IQSEC2: variants seen among roughly 807,000 people sequenced by gnomAD.
IQSEC2 encodes the protein IQ motif and Sec7 domain ArfGEF 2.
Under a neutral mutation model 74.6 loss-of-function variants are expected in IQSEC2, and 6 were observed. The observed-to-expected ratio is 0.08, with a 90% confidence interval of 0.04 to 0.16. IQSEC2 has a LOEUF of 0.16. IQSEC2 is among the 10% of genes least tolerant of loss of function. The pLI is 1.00. For synonymous variants in IQSEC2, 494 were observed against 544.5 expected, an observed-to-expected ratio of 0.91 and a Z score of 1.29; for missense variants, 734 against 1,306.2, an observed-to-expected ratio of 0.56 and a Z score of 6.75.
At chrX:53,288,070 G>A (rs782191194) in intron 2 of IQSEC2, among the ~76,000 whole-genome samples, 4 of 111,425 alleles carry the variant, frequency 3.6e-5, no homozygotes, top group Non-Finnish European at 5.7e-5. Context: ...GGCAAAGGAA[G>A]TGGTAGGAAC....
chrX:53,305,537 C>A (rs1008181525), intron 1 of IQSEC2, among the ~76,000 whole-genome samples: 5 of 111,571 alleles, frequency 4.5e-5, no homozygotes, highest in Admixed American at 2.9e-4. Flanking sequence ...GTTGCACCTA[C>A]AGTGGTCCAC....
chrX:53,256,902 C>T (rs2074482497), intron 2 of IQSEC2, among the ~76,000 whole-genome samples: 1 of 112,406 alleles, frequency 8.9e-6, no homozygotes, highest in South Asian at 3.7e-4. Flanking sequence ...CTTGCCTGCC[C>T]TGGTTTCCCA....
intron 2 of IQSEC2, among the ~76,000 whole-genome samples, chrX:53,265,221 G>C: frequency 9.0e-6 from 1 of 111,073 alleles, no homozygotes; most frequent in South Asian, 3.8e-4. Context: ...ATGGGTGAAT[G>C]AGTAGATGAG....
chrX:53,234,650 C>A lies in IQSEC2; in HGVS notation c.4036G>T (p.Gly1346Trp). ...LGRPGRAPRR[G>W]AGGHPQFAPH... ...GCAAACTGAGGGTGTCCTCCAGCCC[C>A]CCGTCTGGGTGCCCTGCCTGGCCGG... The change falls in exon 15 of 15, where the codon GGG becomes TGG. Residue 1346 changes from glycine to tryptophan, a missense_variant. Physicochemically the swap from Gly to Trp is radical, Grantham distance 184. This residue lies in a region of IQSEC2 where 249 missense variants were observed against 467.9 expected (regional missense o/e 0.53). Coordinates refer to ENST00000642864, the MANE Select transcript of IQSEC2 (RefSeq NM_001111125.3). 1 of 1,138,842 alleles carries A rather than the reference C, an allele frequency of 8.8e-7. No homozygotes were observed. The highest frequency in any genetic ancestry group is 1.2e-6 in the Non-Finnish European group (1 of 859,051). The allele number at this position is 1,138,842 out of a possible 1,213,427, so 93.9% of individuals were successfully genotyped here.
chrX:53,281,469 G>T (rs1556870845), intron 2 of IQSEC2: 1 of 919,416 alleles, frequency 1.1e-6, no homozygotes, highest in South Asian at 2.2e-5. Context: ...AAGGGAGGGG[G>T]CCAGGCTGCG....
At chrX:53,284,071 G>A (rs782007278) in intron 2 of IQSEC2, among the ~76,000 whole-genome samples, 5 of 111,088 alleles carry the variant, frequency 4.5e-5, no homozygotes, top group Non-Finnish European at 9.4e-5. Context: ...GGCCTCTGTC[G>A]GGGTTTCCGT....
intron 8 of IQSEC2, among the ~76,000 whole-genome samples, chrX:53,244,959 A>C (rs782130693): frequency 9.1e-6 from 1 of 109,702 alleles, no homozygotes; most frequent in Non-Finnish European, 1.9e-5. Flanking sequence ...ACACACACCC[A>C]CACACACACA....
chrX:53,268,327 AGCACACACAC>A (rs2074690250), intron 2 of IQSEC2, among the ~76,000 whole-genome samples: 1 of 111,316 alleles, frequency 9.0e-6, no homozygotes, highest in Admixed American at 9.6e-5. Flanking sequence ...TGCACAGACA[AGCACACACAC>A]GCACGCACAC....
At chrX:53,284,553 G>C (rs2075006850) in intron 2 of IQSEC2, among the ~76,000 whole-genome samples, 1 of 111,441 alleles carries the variant, frequency 9.0e-6, no homozygotes, top group South Asian at 3.8e-4. Flanking sequence ...TCAGCTAGAT[G>C]TTGTGCCCTC....
At position 53,255,840 on chromosome X, in the gene IQSEC2, G is replaced by A. The variant is rs1196734452; in HGVS notation, c.959C>T (p.Ser320Leu). The stretch of plus-strand genomic sequence containing the variant: ...GTCTGTGGAGAGTTCATAGCTGTCC[G>A]ATAGGGCCTTGGAGCGCTTTATCTC... The part of the protein sequence containing the change: ...EEEIKRSKAL[S>L]DSYELSTDLQ... Residue 320 changes from serine (S) to leucine (L), a missense_variant, in exon 3 of 15, where the codon TCG becomes TTG. Transcript: ENST00000642864. 1.1e-5 allele frequency: 13 copies of A among 1,210,119 alleles called. No homozygotes were observed. The highest frequency in any genetic ancestry group is 8.7e-5 in the Admixed American group (4 of 45,880).
In IQSEC2 at chrX:53,320,595, G is replaced by T. The variant is rs1556880073; in HGVS notation, c.529C>A (p.Pro177Thr). ...GRERGGREAG[P>T]AHPGREKEAG... ...TCCTTCTCGCGGCCCGGGTGCGCCG[G>T]CCCGGCCTCCCGCCCGCCACGCTCG... The change falls in exon 1 of 15, where the codon CCG becomes ACG. Residue 177 changes from proline (P) to threonine (T), a missense_variant. Transcript: ENST00000642864. 2.6e-6 allele frequency: 3 copies of T among 1,152,603 alleles called. No individual in the cohort carries two copies. The highest frequency in any genetic ancestry group is 3.5e-6 in the Non-Finnish European group (3 of 867,334). The allele number at this position is 1,152,603 out of a possible 1,213,427, so 95.0% of individuals were successfully genotyped here. A position where few individuals can be genotyped will look rare whatever the true frequency, so the allele number is the denominator to read the frequency against.
chrX:53,272,833 C>T (rs1479946766), intron 2 of IQSEC2, among the ~76,000 whole-genome samples: 1 of 111,862 alleles, frequency 8.9e-6, no homozygotes, highest in Non-Finnish European at 1.9e-5. Flanking sequence ...ATTCTTTGCT[C>T]CAGAACCGTC....
At chrX:53,318,672 C>T (rs2075401147) in intron 1 of IQSEC2, among the ~76,000 whole-genome samples, 1 of 113,053 alleles carries the variant, frequency 8.8e-6, no homozygotes, top group Non-Finnish European at 1.9e-5. Flanking sequence ...CACCAGAATG[C>T]CAGGTTGGAA....
intron 1 of IQSEC2, among the ~76,000 whole-genome samples, chrX:53,317,717 C>A (rs781889746): frequency 2.7e-5 from 3 of 112,513 alleles, no homozygotes; most frequent in Non-Finnish European, 5.6e-5. Flanking sequence ...CTAGCCTCCC[C>A]CAATGCTGCA....
At chrX:53,272,771 C>T (rs1455260257) in intron 2 of IQSEC2, among the ~76,000 whole-genome samples, 2 of 111,801 alleles carry the variant, frequency 1.8e-5, no homozygotes, top group Non-Finnish European at 3.8e-5. Context: ...AACCCATGTA[C>T]CCTGTACTCC....
At chrX:53,297,922 G>C (rs1556874696) in intron 1 of IQSEC2, among the ~76,000 whole-genome samples, 3 of 110,826 alleles carry the variant, frequency 2.7e-5, no homozygotes, top group Non-Finnish European at 3.8e-5. Flanking sequence ...CTGAGGTCAG[G>C]GATTTGAGAT....
At chrX:53,239,159 A>G (rs1329980167) in intron 11 of IQSEC2, 36 bp downstream of exon 11, 1 of 1,030,894 alleles carries the variant, frequency 9.7e-7, no homozygotes, top group Admixed American at 2.2e-5. Flanking sequence ...GCCATGACAT[A>G]GACTCTCAGG....
At chrX:53,316,889 C>T (rs1186971254) in intron 1 of IQSEC2, among the ~76,000 whole-genome samples, 1 of 109,606 alleles carries the variant, frequency 9.1e-6, no homozygotes, top group Non-Finnish European at 1.9e-5. Context: ...CCTCTAGTTG[C>T]TATCTCCAAG....
intron 2 of IQSEC2, chrX:53,266,815 G>C (rs782080725): frequency 1.9e-5 from 20 of 1,060,953 alleles, no homozygotes; most frequent in African/African-American, 1.2e-4. Flanking sequence ...AGAAGAAGGT[G>C]GGGGGAGGAA....
Sources: allele counts gnomAD v4.1 joint callset (sites outside exome capture counted in the v4.1 genomes callset), GRCh38; gene constraint gnomAD v4.1.1; regional missense constraint gnomAD v4.1.1; transcripts MANE v1.5; gene names NCBI Gene and HGNC (gene_info 2026-07-23, HGNC 2026-07-21).